TENM2: variants seen among roughly 807,000 people sequenced by gnomAD.
TENM2 encodes teneurin transmembrane protein 2.
TENM2 carries 52 observed loss-of-function variants against 245.2 expected under a neutral mutation model. That is an observed-to-expected ratio of 0.21 (90% CI 0.17 to 0.27). The LOEUF (loss-of-function observed/expected upper bound fraction) is 0.27, where lower values mean the gene tolerates loss of function less well. TENM2 is among the 10% of genes least tolerant of loss of function. The probability of loss-of-function intolerance (pLI) is 1.00; values close to 1 mark genes in which losing one functional copy is unlikely to be tolerated. For missense variants in TENM2, 3,046 were observed against 3,666.8 expected (o/e 0.83, Z 4.37); for synonymous variants, 1,363 against 1,438.9 (o/e 0.95, Z 1.19).
At chr5:167,487,451 TTATATA>T (rs767464381) in intron 2 of TENM2, among the ~76,000 whole-genome samples, 1 of 151,972 alleles carries the variant, frequency 6.6e-6, no homozygotes, top group Admixed American at 6.6e-5. Context: ...ATTTATGTGT[TTATATA>T]TATGTGTTTT....
At chr5:167,907,569 A>ATATG (rs1381164241) in intron 3 of TENM2, among the ~76,000 whole-genome samples, 12 of 108,272 alleles carry the variant, frequency 1.1e-4, no homozygotes, top group East Asian at 2.8e-4. Context: ...ATATATATAT[A>ATATG]TATGTATGTA....
At chr5:167,464,853 G>A (rs1002129811) in intron 2 of TENM2, among the ~76,000 whole-genome samples, 2 of 151,962 alleles carry the variant, frequency 1.3e-5, no homozygotes, top group Non-Finnish European at 2.9e-5. Flanking sequence ...TAAATTTTCT[G>A]AAAAAAAGCA....
chr5:167,648,294 T>G (rs1457242458), intron 2 of TENM2, among the ~76,000 whole-genome samples: 1 of 152,218 alleles, frequency 6.6e-6, no homozygotes, highest in Non-Finnish European at 1.5e-5. Flanking sequence ...ATGCTTTTTC[T>G]TTTTATATTA....
At chr5:167,529,655 G>A (rs1366525375) in intron 2 of TENM2, among the ~76,000 whole-genome samples, 1 of 152,192 alleles carries the variant, frequency 6.6e-6, no homozygotes, top group East Asian at 1.9e-4. Flanking sequence ...ACAGTTAATG[G>A]GGTTCTGTTG....
At chr5:168,240,355 G>A (rs1375210882) in intron 25 of TENM2, among the ~76,000 whole-genome samples, 4 of 152,216 alleles carry the variant, frequency 2.6e-5, no homozygotes, top group African/African-American at 9.6e-5. Flanking sequence ...TGGAAAGCCT[G>A]TAGTCCAACA....
chr5:167,033,951 A>G, the TENM2 span, among the ~76,000 whole-genome samples: 4 of 152,242 alleles, frequency 2.6e-5, no homozygotes, highest in East Asian at 1.9e-4. Flanking sequence ...AAATTCTTAT[A>G]TCATGTTGTA....
chr5:167,755,066 C>T (rs752756404), intron 2 of TENM2: 2 of 1,598,352 alleles, frequency 1.3e-6, no homozygotes, highest in Non-Finnish European at 1.7e-6. Flanking sequence ...GGTGAGCCCA[C>T]CTCTCCTGAT....
the TENM2 span, among the ~76,000 whole-genome samples, chr5:167,217,842 C>T: frequency 6.6e-6 from 1 of 151,212 alleles, no homozygotes; most frequent in African/African-American, 2.4e-5. Flanking sequence ...TCCATAGAAG[C>T]CGACTATGAG....
rs1000976599 is a variant in TENM2, at chr5:167,428,433, G to A, written c.502+52960G>A. Among the ~76,000 whole-genome samples the A allele has an allele frequency of 4.6e-5, 7 of 152,076 alleles. No individual in the cohort carries two copies. In the South Asian group the frequency reaches 6.2e-4, roughly 14 times the overall value. On this transcript the variant is annotated intron_variant, in intron 2 of 28. Coordinates refer to ENST00000518659, the Ensembl canonical transcript of TENM2. The stretch of plus-strand genomic sequence containing the variant: ...AAATAACATTTTGGTCTTCAAATAC[G>A]TTACTAATCAGCAGCATTCATTTAT...
At chr5:167,963,996 A>G (rs541071525) in intron 4 of TENM2, among the ~76,000 whole-genome samples, 1 of 152,332 alleles carries the variant, frequency 6.6e-6, no homozygotes, top group South Asian at 2.1e-4. Flanking sequence ...AAAATCAAAC[A>G]TAAGGCAGAA....
At chr5:167,375,098 T>TG in intron 1 of TENM2, 100 bp from the exon 4 acceptor site, 5 of 1,213,382 alleles carry the variant, frequency 4.1e-6, no homozygotes, top group Non-Finnish European at 5.8e-6. Flanking sequence ...TTGATGTATC[T>TG]GTCAGATGGG....
chr5:167,489,454 C>T (rs1768289421), intron 2 of TENM2, among the ~76,000 whole-genome samples: 1 of 152,194 alleles, frequency 6.6e-6, no homozygotes, highest in African/African-American at 2.4e-5. Flanking sequence ...CCCACACTAT[C>T]TTCAGACCTC....
chr5:167,129,723 A>G, the TENM2 span, among the ~76,000 whole-genome samples: 1 of 152,226 alleles, frequency 6.6e-6, no homozygotes, highest in Non-Finnish European at 1.5e-5. Context: ...AAATAGAGCC[A>G]TATAGGAAAA....
At chr5:168,115,359 G>GGGAAGGGAA (rs1554200290) in intron 9 of TENM2, among the ~76,000 whole-genome samples, 7 of 71,598 alleles carry the variant, frequency 9.8e-5, no homozygotes, top group African/African-American at 3.9e-4. Context: ...AGGGAAGGAA[G>GGGAAGGGAA]GGAAGGAAGG....
intron 2 of TENM2, among the ~76,000 whole-genome samples, chr5:167,719,931 G>T (rs1157964773): frequency 2.0e-5 from 3 of 151,996 alleles, no homozygotes; most frequent in Non-Finnish European, 4.4e-5. Flanking sequence ...CTGTAGAATG[G>T]CATATTCCAA....
chr5:167,769,577 G>T (rs912922419), intron 2 of TENM2, among the ~76,000 whole-genome samples: 1 of 152,080 alleles, frequency 6.6e-6, no homozygotes, highest in African/African-American at 2.4e-5. Flanking sequence ...TATTCTTGCC[G>T]CAGGCTTTTC....
intron 3 of TENM2, among the ~76,000 whole-genome samples, chr5:167,885,913 C>T (rs989578562): frequency 1.3e-5 from 2 of 152,180 alleles, no homozygotes; most frequent in Non-Finnish European, 1.5e-5. Flanking sequence ...AAACTCCTGA[C>T]CTCAGGTGAT....
chr5:167,558,564 C>A (rs1462472645), intron 2 of TENM2, among the ~76,000 whole-genome samples: 1 of 152,090 alleles, frequency 6.6e-6, no homozygotes, highest in Non-Finnish European at 1.5e-5. Flanking sequence ...GGAGCATGAA[C>A]CCCATTATGA....
chr5:167,348,030 G>T (rs928406313), intron 1 of TENM2, among the ~76,000 whole-genome samples: 2 of 152,200 alleles, frequency 1.3e-5, no homozygotes, highest in Non-Finnish European at 2.9e-5. Flanking sequence ...AATTCTGCCA[G>T]CAGGCAAGGG....
Sources: allele counts gnomAD v4.1 joint callset (sites outside exome capture counted in the v4.1 genomes callset), GRCh38; gene constraint gnomAD v4.1.1; transcripts MANE v1.5; gene names NCBI Gene and HGNC (gene_info 2026-07-23, HGNC 2026-07-21).